Variants in WWC2 observed in about 807,000 individuals in gnomAD.
WWC2 encodes the protein protein WWC2.
In WWC2, 101 loss-of-function variants were observed where a neutral mutation model predicts 138.5. The observed-to-expected ratio is 0.73, with a 90% CI of 0.62 to 0.86. The LOEUF (loss-of-function observed/expected upper bound fraction) is 0.86, where lower values mean the gene tolerates loss of function less well. Ranked by LOEUF, WWC2 falls within the 40% of genes least tolerant of loss-of-function variation. The pLI is 0.00. For missense variants in WWC2, 1,420 were observed against 1,419.4 expected (o/e 1.00, Z -0.01); for synonymous variants, 558 against 538.4 (o/e 1.04, Z -0.50).
At chr4:183,174,342 G>A (rs898608090) in intron 1 of WWC2, among the ~76,000 whole-genome samples, 3 of 152,138 alleles carry the variant, frequency 2.0e-5, no homozygotes, top group Non-Finnish European at 4.4e-5. Flanking sequence ...TGAAGTCTGT[G>A]GTGCTGGAAT....
At chr4:183,152,605 C>T (rs551077526) in intron 1 of WWC2, among the ~76,000 whole-genome samples, 11 of 151,328 alleles carry the variant, frequency 7.3e-5, no homozygotes, top group African/African-American at 2.4e-4. Flanking sequence ...GGGGTCTTGA[C>T]CGGGCATGGT....
intron 10 of WWC2, 113 bp downstream of exon 10, chr4:183,259,841 A>T (rs1737269515): frequency 1.3e-6 from 1 of 788,224 alleles, no homozygotes; most frequent in Non-Finnish European, 2.1e-6. Flanking sequence ...TCATTATAGT[A>T]GCACAGTTAC....
chr4:183,148,558 C>T (rs1579987220), intron 1 of WWC2, among the ~76,000 whole-genome samples: 1 of 152,156 alleles, frequency 6.6e-6, no homozygotes, highest in Non-Finnish European at 1.5e-5. Flanking sequence ...AATGGCTTTC[C>T]TCCTCTCCAA....
intron 22 of WWC2, among the ~76,000 whole-genome samples, chr4:183,315,380 A>G (rs1004286793): frequency 8.5e-5 from 13 of 152,132 alleles, no homozygotes; most frequent in African/African-American, 3.1e-4. Flanking sequence ...CCAAACCCCT[A>G]CTAGTTTAAA....
chr4:183,100,028 C>T (rs1446361353), intron 1 of WWC2, among the ~76,000 whole-genome samples: 1 of 152,190 alleles, frequency 6.6e-6, no homozygotes, highest in Admixed American at 6.5e-5. Flanking sequence ...AACGAGCCCT[C>T]CGGGCCACCT....
At chr4:183,248,612 T>A in intron 6 of WWC2, 102 bp from the exon 7 acceptor site, 1 of 1,259,384 alleles carries the variant, frequency 7.9e-7, no homozygotes, top group Non-Finnish European at 1.1e-6. Context: ...AAAGTTGTTT[T>A]TTTCCATTGA....
chr4:183,178,717 G>A (rs1734536797), intron 1 of WWC2, among the ~76,000 whole-genome samples: 1 of 152,168 alleles, frequency 6.6e-6, no homozygotes, highest in South Asian at 2.1e-4. Flanking sequence ...GGAGCTTGCT[G>A]CATGGAAGCT....
At chr4:183,181,989 AGTTT>A (rs976875143) in intron 1 of WWC2, among the ~76,000 whole-genome samples, 4 of 152,194 alleles carry the variant, frequency 2.6e-5, no homozygotes, top group South Asian at 2.1e-4. Flanking sequence ...GAGTTTATTT[AGTTT>A]GATACCAAAA....
chr4:183,291,130 G>A (rs1047222487), intron 21 of WWC2, among the ~76,000 whole-genome samples: 3 of 152,208 alleles, frequency 2.0e-5, no homozygotes, highest in Admixed American at 1.3e-4. Context: ...ATTAGGCACT[G>A]TGCTGGTTTC....
intron 7 of WWC2, 120 bp from the exon 8 acceptor site, chr4:183,249,800 C>T (rs1736915019): frequency 1.4e-6 from 1 of 724,430 alleles, no homozygotes; most frequent in Admixed American, 3.0e-5. Flanking sequence ...ATTGGTGTTT[C>T]CCGATTTCAG....
chr4:183,310,561 G>A (rs1415276371), intron 21 of WWC2, among the ~76,000 whole-genome samples: 1 of 151,876 alleles, frequency 6.6e-6, no homozygotes, highest in East Asian at 1.9e-4. Context: ...GTAGTGCAGC[G>A]GTGATCATAG....
chr4:183,117,377 T>C lies in WWC2; in HGVS notation c.131+17755T>C, dbSNP rs548146316. 1.3e-4 allele frequency among the ~76,000 whole-genome samples: 20 copies of C among 151,924 alleles called. No homozygotes were observed. In the South Asian group the frequency reaches 4.0e-3, roughly 30 times the overall value. On this transcript the variant is annotated intron_variant, in intron 1 of 22. Transcript: ENST00000403733. ...CTGAGATTACAGGTGCCCGCCACCA[T>C]GCCCAGCTAATTTTTGTATTTTTAG...
At position 183,223,153 on chromosome 4, in the gene WWC2, A is replaced by G. The variant is rs549055816; in HGVS notation, c.522+14128A>G. Reference sequence around the variant, plus strand: ...TATGTTACAGTTGCCTACAGTTTTCAGTACAGTAACATGCTGTACAGGTTT... The same window carrying G: ...TATGTTACAGTTGCCTACAGTTTTCGGTACAGTAACATGCTGTACAGGTTT... On this transcript the variant is annotated intron_variant, in intron 4 of 22. Transcript: ENST00000403733. Among the ~76,000 whole-genome samples the G allele has an allele frequency of 1.1e-4, 17 of 152,330 alleles. No individual in the cohort carries two copies. In the South Asian group the frequency reaches 2.7e-3, roughly 24 times the overall value.
intron 1 of WWC2, among the ~76,000 whole-genome samples, chr4:183,122,891 A>T (rs1221408870): frequency 6.6e-6 from 1 of 152,236 alleles, no homozygotes; most frequent in Non-Finnish European, 1.5e-5. Flanking sequence ...CTCAGAAGAG[A>T]ACAGAGTGAT....
chr4:183,266,072 C>A, intron 14 of WWC2, 121 bp downstream of exon 14: 2 of 897,026 alleles, frequency 2.2e-6, no homozygotes, highest in African/African-American at 1.7e-5. Context: ...CAGGGCTGAT[C>A]ATGTCTAAAT....
At chr4:183,211,396 A>G (rs75544992) in intron 4 of WWC2, among the ~76,000 whole-genome samples, 7,821 of 152,288 alleles carry the variant, frequency 0.051, 331 homozygotes, top group East Asian at 0.21. Flanking sequence ...CAAATTCTGC[A>G]CATTAATGTG....
At chr4:183,260,623 TATA>T (rs1737292830) in intron 10 of WWC2, among the ~76,000 whole-genome samples, 1 of 152,258 alleles carries the variant, frequency 6.6e-6, no homozygotes, top group Non-Finnish European at 1.5e-5. Context: ...AGCAATAGGC[TATA>T]CCACATAGCT....
intron 2 of WWC2, among the ~76,000 whole-genome samples, chr4:183,198,236 G>C (rs1285225866): frequency 6.6e-6 from 1 of 152,056 alleles, no homozygotes; most frequent in Non-Finnish European, 1.5e-5. Flanking sequence ...TGGTATATAG[G>C]AGAAAAGTAG....
intron 1 of WWC2, among the ~76,000 whole-genome samples, chr4:183,187,290 AC>A (rs1196032724): frequency 1.3e-5 from 2 of 152,040 alleles, no homozygotes; most frequent in Non-Finnish European, 2.9e-5. Context: ...GCAGTGGCTC[AC>A]GTCTGTAATC....
Sources: allele counts gnomAD v4.1 joint callset (sites outside exome capture counted in the v4.1 genomes callset), GRCh38; gene constraint gnomAD v4.1.1; transcripts MANE v1.5; gene names NCBI Gene and HGNC (gene_info 2026-07-23, HGNC 2026-07-21).